The following MRTFB variants were observed in gnomAD, a reference collection of about 807,000 sequenced individuals.
The protein encoded by MRTFB is myocardin related transcription factor B.
A neutral mutation model predicts 104.2 loss-of-function variants in MRTFB; 29 were observed. The observed-to-expected ratio is 0.28, with a 90% CI of 0.21 to 0.38. The LOEUF (loss-of-function observed/expected upper bound fraction) is 0.38. Ranked by LOEUF, MRTFB falls within the 10% of genes least tolerant of loss-of-function variation. The pLI, the probability that MRTFB is intolerant of heterozygous loss-of-function variation, is 1.00. For missense variants in MRTFB, 1,270 were observed against 1,341.6 expected (o/e 0.95, Z 0.83); for synonymous variants, 535 against 519.5 (o/e 1.03, Z -0.41).
the MRTFB span, among the ~76,000 whole-genome samples, chr16:14,016,219 G>A: frequency 2.0e-5 from 3 of 152,038 alleles, no homozygotes; most frequent in Admixed American, 2.0e-4. Context: ...AAAGTTAGAA[G>A]AGTCATCTCG....
Position 14,262,310 on chromosome 16 carries a change from T to G in MRTFB, c.*866T>G, listed in dbSNP as rs187968853. On this transcript the variant is annotated 3_prime_UTR_variant, in exon 17 of 17. Coordinates refer to ENST00000571589, the MANE Select transcript of MRTFB (RefSeq NM_001308142.2). Reference sequence around the variant, plus strand: ...TCCAAGGTCCTACTTTTTTAATAGCTCGAATATTTCTAGAGTACTTGAGCC... The same window carrying G: ...TCCAAGGTCCTACTTTTTTAATAGCGCGAATATTTCTAGAGTACTTGAGCC... The G allele has an allele frequency of 1.5e-3, 235 of 152,358 alleles. 1 individual carries two copies. The highest frequency in any genetic ancestry group is 5.6e-3 in the African/African-American group (233 of 41,576). 9.4% of individuals were successfully genotyped at this position (152,358 alleles called of 1,614,324 possible).
At chr16:14,148,702 C>T (rs572366650) in intron 3 of MRTFB, 1 of 152,772 alleles carries the variant, frequency 6.5e-6, no homozygotes, top group African/African-American at 2.4e-5. Flanking sequence ...ACTTCAGTCT[C>T]CTCTGCTGAC....
chr16:14,121,047 C>A (rs1490899090), intron 2 of MRTFB, among the ~76,000 whole-genome samples: 1 of 152,180 alleles, frequency 6.6e-6, no homozygotes, highest in African/African-American at 2.4e-5. Context: ...ATTAACTCTT[C>A]TTTAAGCTGT....
chr16:14,127,791 A>G (rs1350532610), intron 2 of MRTFB, among the ~76,000 whole-genome samples: 1 of 148,910 alleles, frequency 6.7e-6, no homozygotes, highest in Non-Finnish European at 1.5e-5. Context: ...AGCAAAAGTG[A>G]ATATATATAT....
intron 8 of MRTFB, among the ~76,000 whole-genome samples, chr16:14,232,511 C>T (rs2042310717): frequency 6.6e-6 from 1 of 152,194 alleles, no homozygotes; most frequent in Non-Finnish European, 1.5e-5. Context: ...GAGCCCTTTC[C>T]CTTCATGTCT....
At chr16:14,158,623 TTTTA>T (rs1489646821) in intron 3 of MRTFB, among the ~76,000 whole-genome samples, 2 of 152,356 alleles carry the variant, frequency 1.3e-5, no homozygotes, top group Non-Finnish European at 1.5e-5. Context: ...ATTAAGATGC[TTTTA>T]TTTTTTATGT....
At chr16:14,167,968 T>C (rs2039303351) in intron 3 of MRTFB, among the ~76,000 whole-genome samples, 1 of 152,014 alleles carries the variant, frequency 6.6e-6, no homozygotes, top group African/African-American at 2.4e-5. Context: ...ATTACAGGCG[T>C]GAGCCACCGC....
intron 3 of MRTFB, among the ~76,000 whole-genome samples, chr16:14,167,923 G>A (rs945035498): frequency 2.0e-5 from 3 of 151,902 alleles, no homozygotes; most frequent in South Asian, 2.1e-4. Context: ...TCCTGACCTC[G>A]TGATCTGCCC....
At chr16:14,080,980 A>C (rs1474470118) in intron 2 of MRTFB, among the ~76,000 whole-genome samples, 1 of 152,204 alleles carries the variant, frequency 6.6e-6, no homozygotes, top group East Asian at 1.9e-4. Flanking sequence ...AGTGCAGATT[A>C]TCTCTTTACT....
At chr16:14,178,445 G>A (rs2039658093) in intron 3 of MRTFB, among the ~76,000 whole-genome samples, 1 of 152,180 alleles carries the variant, frequency 6.6e-6, no homozygotes, top group Non-Finnish European at 1.5e-5. Context: ...ACTTCATACT[G>A]GATTTGGTAG....
intron 3 of MRTFB, among the ~76,000 whole-genome samples, chr16:14,205,967 G>A (rs955420546): frequency 1.3e-5 from 2 of 152,208 alleles, no homozygotes; most frequent in Non-Finnish European, 2.9e-5. Flanking sequence ...CTAGTCTTTG[G>A]TTGCAGCTAC....
chr16:14,068,495 T>C (rs953963843), upstream of MRTFB, among the ~76,000 whole-genome samples: 7 of 152,098 alleles, frequency 4.6e-5, no homozygotes, highest in East Asian at 1.9e-4. Flanking sequence ...AAGGCAAAGT[T>C]TGTGCATTTG....
At chr16:14,222,367 C>CG (rs1173002128) in intron 8 of MRTFB, among the ~76,000 whole-genome samples, 1 of 152,138 alleles carries the variant, frequency 6.6e-6, no homozygotes, top group African/African-American at 2.4e-5. Context: ...CAGCTTTGAA[C>CG]GCAGCCCAAC....
the MRTFB span, among the ~76,000 whole-genome samples, chr16:14,058,712 G>GTTTT: frequency 4.3e-3 from 377 of 86,884 alleles, 1 homozygote; most frequent in Non-Finnish European, 5.5e-3. Flanking sequence ...ATTTGTATTT[G>GTTTT]TTTTTTTTTT....
chr16:14,255,674 G>A (rs865852692), intron 15 of MRTFB, among the ~76,000 whole-genome samples: 5 of 152,256 alleles, frequency 3.3e-5, no homozygotes, highest in South Asian at 2.1e-4. Flanking sequence ...TAAAGGATGG[G>A]GGAGGAAATG....
chr16:14,165,620 C>T (rs1361432186), intron 3 of MRTFB, among the ~76,000 whole-genome samples: 1 of 152,128 alleles, frequency 6.6e-6, no homozygotes, highest in Non-Finnish European at 1.5e-5. Context: ...GTTCTCTTTG[C>T]CTTCTTGGAC....
At chr16:14,104,975 C>G (rs1567327215) in intron 2 of MRTFB, among the ~76,000 whole-genome samples, 1 of 152,104 alleles carries the variant, frequency 6.6e-6, no homozygotes, top group Non-Finnish European at 1.5e-5. Context: ...TGTCAGGATG[C>G]CATCAGTGCC....
At chr16:14,251,251 C>G (rs989392600) in intron 13 of MRTFB, among the ~76,000 whole-genome samples, 2 of 151,918 alleles carry the variant, frequency 1.3e-5, no homozygotes, top group Non-Finnish European at 2.9e-5. Flanking sequence ...GTGGCGGGCG[C>G]CTGTAGTCCC....
At chr16:14,251,695 A>T (rs2043262736) in intron 13 of MRTFB, among the ~76,000 whole-genome samples, 167 bp from the exon 14 acceptor site, 1 of 152,250 alleles carries the variant, frequency 6.6e-6, no homozygotes, top group Non-Finnish European at 1.5e-5. Context: ...GCAATGGCAG[A>T]GCCAAGTGGT....
Sources: allele counts gnomAD v4.1 joint callset (sites outside exome capture counted in the v4.1 genomes callset), GRCh38; gene constraint gnomAD v4.1.1; transcripts MANE v1.5; gene names NCBI Gene and HGNC (gene_info 2026-07-23, HGNC 2026-07-21).